The following TOP6BL variants were observed in gnomAD, a reference collection of about 807,000 sequenced individuals.
The protein encoded by TOP6BL is TOP6B like initiator of meiotic double strand breaks.
the TOP6BL span, among the ~76,000 whole-genome samples, chr11:66,756,695 C>G: frequency 6.6e-6 from 1 of 152,058 alleles, no homozygotes; most frequent in African/African-American, 2.4e-5. Flanking sequence ...AGAAGATTAT[C>G]TTTTTAAAAC....
the TOP6BL span, among the ~76,000 whole-genome samples, chr11:66,807,238 C>G: frequency 6.6e-6 from 1 of 152,134 alleles, no homozygotes; most frequent in Non-Finnish European, 1.5e-5. Context: ...TTTAGACCAA[C>G]CTTCTCAATG....
chr11:66,757,205 C>T, the TOP6BL span, among the ~76,000 whole-genome samples: 4 of 151,920 alleles, frequency 2.6e-5, no homozygotes, highest in East Asian at 1.9e-4. Flanking sequence ...TAGTCGGGCG[C>T]GGTGGCGTAT....
chr11:66,842,265 G>A, the TOP6BL span, among the ~76,000 whole-genome samples: 1 of 152,184 alleles, frequency 6.6e-6, no homozygotes, highest in Non-Finnish European at 1.5e-5. Context: ...TCCAGAGGTG[G>A]TCGGCTTCCT....
At chr11:66,747,117 A>G in the TOP6BL span, among the ~76,000 whole-genome samples, 2 of 151,798 alleles carry the variant, frequency 1.3e-5, no homozygotes, top group Non-Finnish European at 2.9e-5. Flanking sequence ...TTGTATTTTT[A>G]GTAGAGATGG....
At chr11:66,772,959 A>G in the TOP6BL span, among the ~76,000 whole-genome samples, 1 of 152,156 alleles carries the variant, frequency 6.6e-6, no homozygotes, top group Non-Finnish European at 1.5e-5. Context: ...ATTTGGTACA[A>G]TTTCTTCCTT....
At chr11:66,806,623 C>G in the TOP6BL span, among the ~76,000 whole-genome samples, 1 of 152,088 alleles carries the variant, frequency 6.6e-6, no homozygotes, top group Admixed American at 6.6e-5. Context: ...CAAAAATTAG[C>G]TGGACATGGT....
chr11:66,839,783 C>A, the TOP6BL span, among the ~76,000 whole-genome samples: 1 of 152,198 alleles, frequency 6.6e-6, no homozygotes, highest in African/African-American at 2.4e-5. Flanking sequence ...GAATAAGTAT[C>A]TTCCCATACA....
the TOP6BL span, chr11:66,756,297 G>A: frequency 8.8e-7 from 1 of 1,134,622 alleles, no homozygotes; most frequent in Non-Finnish European, 1.1e-6. Flanking sequence ...GAAACATACT[G>A]TTTGGGAAAT....
the TOP6BL span, among the ~76,000 whole-genome samples, chr11:66,793,339 C>T: frequency 4.6e-5 from 7 of 151,686 alleles, no homozygotes; most frequent in Non-Finnish European, 8.8e-5. Flanking sequence ...GTGATCTGCC[C>T]GCCTCAGCAT....
the TOP6BL span, among the ~76,000 whole-genome samples, chr11:66,829,193 C>A: frequency 6.6e-6 from 1 of 151,992 alleles, no homozygotes; most frequent in South Asian, 2.1e-4. Flanking sequence ...TGAGACCAGC[C>A]TGGCCAACAT....
chr11:66,777,764 C>T, the TOP6BL span, among the ~76,000 whole-genome samples: 10 of 151,990 alleles, frequency 6.6e-5, 1 homozygote, highest in African/African-American at 2.2e-4. Context: ...CCCAGCTACT[C>T]GGGAGGCTGA....
chr11:66,774,744 T>C, the TOP6BL span, among the ~76,000 whole-genome samples: 1 of 151,962 alleles, frequency 6.6e-6, no homozygotes, highest in Non-Finnish European at 1.5e-5. Flanking sequence ...GTGCTGGGAT[T>C]ACAGGCGTGA....
the TOP6BL span, chr11:66,842,917 C>A: frequency 6.4e-7 from 1 of 1,565,094 alleles, no homozygotes; most frequent in South Asian, 1.2e-5. Context: ...GATGCGAGCT[C>A]TGCGCTCTGC....
the TOP6BL span, among the ~76,000 whole-genome samples, chr11:66,769,601 G>A: frequency 6.6e-6 from 1 of 151,986 alleles, no homozygotes; most frequent in East Asian, 1.9e-4. Flanking sequence ...AAATTCATAT[G>A]GTAAAGCCCC....
the TOP6BL span, among the ~76,000 whole-genome samples, chr11:66,822,246 AAGAG>A: frequency 6.6e-6 from 1 of 151,970 alleles, no homozygotes; most frequent in Non-Finnish European, 1.5e-5. Context: ...CAACCACACT[AAGAG>A]AGCAGAACTA....
chr11:66,809,532 A>C, the TOP6BL span, among the ~76,000 whole-genome samples: 3 of 152,250 alleles, frequency 2.0e-5, no homozygotes, highest in African/African-American at 4.8e-5. Context: ...TCTAAGGATG[A>C]AATGGAAGTC....
chr11:66,843,025 A>G, the TOP6BL span: 4 of 1,555,024 alleles, frequency 2.6e-6, no homozygotes, highest in Non-Finnish European at 3.5e-6. Context: ...GGCTCACGGC[A>G]GGGCCCTGGC....
At chr11:66,810,864 C>A in the TOP6BL span, among the ~76,000 whole-genome samples, 3 of 139,328 alleles carry the variant, frequency 2.2e-5, no homozygotes, top group Admixed American at 1.1e-4. Context: ...AAAAAAAAAT[C>A]TTTAAAAAAC....
At chr11:66,822,286 AGT>A in the TOP6BL span, among the ~76,000 whole-genome samples, 2 of 150,974 alleles carry the variant, frequency 1.3e-5, no homozygotes, top group African/African-American at 4.9e-5. Context: ...TTTCCCAAAT[AGT>A]GTGTCTGTTT....
Sources: allele counts gnomAD v4.1 joint callset (sites outside exome capture counted in the v4.1 genomes callset), GRCh38; gene constraint gnomAD v4.1.1; transcripts MANE v1.5; gene names NCBI Gene and HGNC (gene_info 2026-07-23, HGNC 2026-07-21).